GRIK4: variants seen among roughly 807,000 people sequenced by gnomAD.
GRIK4 encodes the protein glutamate receptor ionotropic, kainate 4.
A neutral mutation model predicts 104.9 loss-of-function variants in GRIK4; 40 were observed. That is an observed-to-expected ratio of 0.38 (90% CI 0.30 to 0.50). The LOEUF is 0.50. GRIK4 is among the 20% of genes least tolerant of loss of function. The probability of loss-of-function intolerance (pLI) is 0.93; values close to 1 mark genes in which losing one functional copy is unlikely to be tolerated. For missense variants in GRIK4, 1,047 were observed against 1,308.1 expected (o/e 0.80, Z 3.08); for synonymous variants, 485 against 524.9 (o/e 0.92, Z 1.04).
chr11:120,923,325 A>G (rs1489968960), intron 13 of GRIK4, among the ~76,000 whole-genome samples: 2 of 152,048 alleles, frequency 1.3e-5, no homozygotes, highest in South Asian at 2.1e-4. Flanking sequence ...AGATGCCAGA[A>G]TCAGGAACAG....
chr11:120,936,131 C>G (rs1046259496), intron 13 of GRIK4: 1 of 188,138 alleles, frequency 5.3e-6, no homozygotes, highest in East Asian at 1.7e-4. Flanking sequence ...TTTTTTCAGC[C>G]CCGATAACTT....
chr11:120,638,067 A>G (rs1209325541), intron 1 of GRIK4, among the ~76,000 whole-genome samples: 1 of 152,024 alleles, frequency 6.6e-6, no homozygotes, highest in Non-Finnish European at 1.5e-5. Context: ...TTTAGTAGAG[A>G]TGGGATTTCG....
intron 11 of GRIK4, among the ~76,000 whole-genome samples, chr11:120,897,927 G>A (rs188376884): frequency 1.6e-4 from 24 of 152,150 alleles, no homozygotes; most frequent in Admixed American, 3.9e-4. Flanking sequence ...GAGAAGCTCC[G>A]AGAAGGCAGG....
intron 1 of GRIK4, among the ~76,000 whole-genome samples, chr11:120,528,198 A>T (rs536056372): frequency 6.6e-6 from 1 of 152,166 alleles, no homozygotes; most frequent in South Asian, 2.1e-4. Context: ...GCTGTTCTTG[A>T]ACTGCTGAGC....
intron 1 of GRIK4, among the ~76,000 whole-genome samples, chr11:120,635,062 A>G (rs4936535): frequency 0.56 from 84,881 of 151,904 alleles, 24,885 homozygotes; most frequent in African/African-American, 0.75. Flanking sequence ...CGTTTTCCAG[A>G]CAGAGGAGAT....
intron 1 of GRIK4, among the ~76,000 whole-genome samples, chr11:120,557,783 G>C (rs895977542): frequency 5.9e-5 from 9 of 152,094 alleles, no homozygotes; most frequent in African/African-American, 2.2e-4. Flanking sequence ...TTGGGAGGCC[G>C]AGGCAGGCGG....
At chr11:120,892,956 A>G (rs184324843) in intron 11 of GRIK4, among the ~76,000 whole-genome samples, 3 of 152,366 alleles carry the variant, frequency 2.0e-5, no homozygotes, top group Admixed American at 2.0e-4. Flanking sequence ...GATGGCTCAC[A>G]GTGAGAAAAG....
At chr11:120,528,012 A>G (rs527618873) in intron 1 of GRIK4, among the ~76,000 whole-genome samples, 2 of 152,246 alleles carry the variant, frequency 1.3e-5, no homozygotes, top group South Asian at 4.1e-4. Flanking sequence ...GTCTCACTCT[A>G]TTGCCCAGTG....
In GRIK4 at chr11:120,834,925, C is replaced by T. The variant is rs1030078871; in HGVS notation, c.691-1866C>T. 3.3e-5 allele frequency among the ~76,000 whole-genome samples: 5 copies of T among 152,230 alleles called. No homozygotes were observed. The South Asian group carries it at 1.0e-3, about 32-fold the overall frequency. ...GTCGCTGTAAGCAGCGGGCTCGCTC[C>T]GTGGGTCGCATCCGTCTAGGCAGGG... On this transcript the variant is annotated intron_variant, in intron 7 of 20. Transcript: ENST00000527524.
intron 1 of GRIK4, among the ~76,000 whole-genome samples, chr11:120,581,078 T>C (rs1410533503): frequency 1.3e-5 from 2 of 152,248 alleles, no homozygotes; most frequent in Non-Finnish European, 2.9e-5. Context: ...CTTGGTGAAG[T>C]ATCTTTCAGT....
rs1239282727 is a variant in GRIK4 at position 120,819,703 on chromosome 11, C to A, written c.346-52C>A. The A allele has an allele frequency of 1.9e-6, 3 of 1,574,068 alleles. No individual in the cohort carries two copies. The highest frequency in any genetic ancestry group is 1.7e-6 in the Non-Finnish European group (2 of 1,144,588). Reference sequence around the variant, plus strand: ...TCAGCTCACTCATCCCTCTTTCTTCCTTTTCACCCACCTGGATCCTCCCTG... The same window carrying A: ...TCAGCTCACTCATCCCTCTTTCTTCATTTTCACCCACCTGGATCCTCCCTG... On this transcript the variant is annotated intron_variant, in intron 5 of 20. Coordinates refer to ENST00000527524, the MANE Select transcript of GRIK4 (RefSeq NM_014619.5). The surrounding 1 kb of genome is among the most constrained non-coding windows in gnomAD (Gnocchi z 4.3).
At chr11:120,892,389 G>A (rs77731255) in intron 11 of GRIK4, among the ~76,000 whole-genome samples, 419 of 152,286 alleles carry the variant, frequency 2.8e-3, no homozygotes, top group African/African-American at 9.7e-3. Context: ...TGGTAGTGAC[G>A]ACTGGCTGCT....
intron 14 of GRIK4, among the ~76,000 whole-genome samples, chr11:120,950,037 T>A (rs1003319091): frequency 2.6e-5 from 4 of 152,190 alleles, no homozygotes; most frequent in Admixed American, 1.3e-4. Context: ...ACATGTCTTT[T>A]GGGAAGAAAG....
chr11:120,969,277 G>A (rs1194382086), intron 19 of GRIK4, among the ~76,000 whole-genome samples: 4 of 152,116 alleles, frequency 2.6e-5, no homozygotes, highest in African/African-American at 9.7e-5. Context: ...AGAAAATGGG[G>A]GGGATGCAGA....
chr11:120,715,553 G>A (rs1164226903), intron 3 of GRIK4, among the ~76,000 whole-genome samples: 2 of 151,812 alleles, frequency 1.3e-5, no homozygotes, highest in Non-Finnish European at 2.9e-5. Flanking sequence ...TGATTCCAAC[G>A]CTCCCTCTCT....
intron 1 of GRIK4, among the ~76,000 whole-genome samples, chr11:120,574,836 C>T (rs1211027079): frequency 6.6e-6 from 1 of 152,134 alleles, no homozygotes; most frequent in East Asian, 1.9e-4. Context: ...CAAGAGGTGT[C>T]CCAGACCCAG....
intron 3 of GRIK4, among the ~76,000 whole-genome samples, chr11:120,685,300 A>G (rs1446983962): frequency 6.6e-6 from 1 of 152,192 alleles, no homozygotes; most frequent in African/African-American, 2.4e-5. Context: ...CTCCAGTCCT[A>G]TCCCAGAGGT....
chr11:120,861,914 C>T, intron 8 of GRIK4, 45 bp from the exon 9 acceptor site: 1 of 1,479,508 alleles, frequency 6.8e-7, no homozygotes, highest in Non-Finnish European at 9.4e-7. Context: ...CCTCACTTCA[C>T]CCCTTCCTAA....
At chr11:120,735,307 G>T (rs972228402) in intron 3 of GRIK4, among the ~76,000 whole-genome samples, 4 of 152,222 alleles carry the variant, frequency 2.6e-5, no homozygotes, top group African/African-American at 9.6e-5. Context: ...CCACCTTAGT[G>T]GTCTTGGGTA....
Sources: gnomAD v4.1 joint callset for allele counts (sites outside exome capture counted in the v4.1 genomes callset) on GRCh38, gnomAD v4.1.1 for gene constraint, Gnocchi (gnomAD v3.1) non-coding constraint, MANE v1.5 for transcripts, NCBI Gene and HGNC (gene_info 2026-07-23, HGNC 2026-07-21) for gene names.